SMYD3: variants seen among roughly 807,000 people sequenced by gnomAD.
The protein encoded by SMYD3 is SET and MYND domain containing 3, also known as histone-lysine N-methyltransferase SMYD3.
A neutral mutation model predicts 57.7 loss-of-function variants in SMYD3; 36 were observed. The observed-to-expected ratio is 0.62, with a 90% CI of 0.48 to 0.82. SMYD3 has a LOEUF of 0.82. SMYD3 is among the 40% of genes least tolerant of loss of function. SMYD3 has a pLI of 0.00. For synonymous variants in SMYD3, 211 were observed against 195.0 expected (o/e 1.08, Z -0.68); for missense variants, 515 against 538.8 (o/e 0.96, Z 0.44).
intron 5 of SMYD3, among the ~76,000 whole-genome samples, chr1:245,945,168 A>G (rs2057390807): frequency 6.6e-6 from 1 of 152,224 alleles, no homozygotes; most frequent in Non-Finnish European, 1.5e-5. Flanking sequence ...TCGCACAGCA[A>G]AAGAAACTGT....
chr1:246,386,795 C>A (rs1481960988), intron 1 of SMYD3, among the ~76,000 whole-genome samples: 2 of 151,930 alleles, frequency 1.3e-5, no homozygotes, highest in Non-Finnish European at 1.5e-5. Flanking sequence ...CCACTTATTA[C>A]ATAGTTTACC....
chr1:245,979,623 A>G (rs2058546950), intron 5 of SMYD3, among the ~76,000 whole-genome samples: 1 of 152,114 alleles, frequency 6.6e-6, no homozygotes, highest in South Asian at 2.1e-4. Context: ...CCTCAGAAGG[A>G]GCTCACCCTG....
At chr1:245,784,716 G>T (rs1207572633) in intron 10 of SMYD3, among the ~76,000 whole-genome samples, 3 of 152,116 alleles carry the variant, frequency 2.0e-5, no homozygotes, top group African/African-American at 4.8e-5. Context: ...AAGGACCAAG[G>T]CAGAAGCTGC....
chr1:246,393,125 A>G (rs931774550), intron 1 of SMYD3, among the ~76,000 whole-genome samples: 1 of 152,204 alleles, frequency 6.6e-6, no homozygotes, highest in Non-Finnish European at 1.5e-5. Context: ...TAATGAGTAC[A>G]AGTTTTATTT....
chr1:246,152,236 C>A (rs555280142), intron 5 of SMYD3, among the ~76,000 whole-genome samples: 2 of 152,090 alleles, frequency 1.3e-5, no homozygotes, highest in Admixed American at 1.3e-4. Flanking sequence ...GGACACCTGG[C>A]GTCTGGAGAG....
intron 10 of SMYD3, among the ~76,000 whole-genome samples, chr1:245,822,687 C>G (rs1468566933): frequency 6.6e-6 from 1 of 152,100 alleles, no homozygotes; most frequent in Admixed American, 6.5e-5. Flanking sequence ...AGGGTGAAGC[C>G]TCACTTACCA....
intron 5 of SMYD3, among the ~76,000 whole-genome samples, chr1:246,196,296 G>T (rs1323667053): frequency 1.3e-5 from 2 of 152,066 alleles, no homozygotes; most frequent in Non-Finnish European, 2.9e-5. Context: ...ACTGCTCCTT[G>T]TCTTTTTTCC....
At chr1:245,946,408 G>A (rs1194460761) in intron 5 of SMYD3, among the ~76,000 whole-genome samples, 1 of 152,118 alleles carries the variant, frequency 6.6e-6, no homozygotes, top group Non-Finnish European at 1.5e-5. Context: ...TCCCAAATAT[G>A]TTGTCCATGA....
intron 10 of SMYD3, among the ~76,000 whole-genome samples, chr1:245,816,382 C>T (rs2048802332): frequency 6.6e-6 from 1 of 151,940 alleles, no homozygotes; most frequent in East Asian, 1.9e-4. Context: ...TGGAGCTTGG[C>T]TCTAAAACAG....
intron 5 of SMYD3, among the ~76,000 whole-genome samples, chr1:246,061,289 A>G (rs560491710): frequency 6.6e-6 from 1 of 152,328 alleles, no homozygotes; most frequent in African/African-American, 2.4e-5. Context: ...GCAAAAAGAT[A>G]TATGAGTAAG....
chr1:246,233,980 A>C (rs1426367679), intron 5 of SMYD3, among the ~76,000 whole-genome samples: 9 of 139,820 alleles, frequency 6.4e-5, no homozygotes, highest in African/African-American at 1.6e-4. Context: ...GCACTCCTTC[A>C]ATTCACACTG....
In SMYD3 at chr1:246,203,548, T is replaced by A. The variant is rs1289567659; in HGVS notation, c.531+123653A>T. On this transcript the variant is annotated intron_variant, in intron 5 of 11. Transcript: ENST00000490107. This position sits in a 1 kb window ranked among gnomAD's most constrained non-coding sequence, Gnocchi z 4.6. ...GAGGAGCCACTGTCTTGCTGCCTCC[T>A]GACACGGCAGTCCCTCTGCGCACAT... Among the ~76,000 whole-genome samples, 2 of 152,230 alleles carry A rather than the reference T, an allele frequency of 1.3e-5. No homozygotes were observed. The highest frequency in any genetic ancestry group is 2.9e-5 in the Non-Finnish European group (2 of 68,030).
At chr1:245,781,979 T>A (rs952630968) in intron 10 of SMYD3, among the ~76,000 whole-genome samples, 9 of 148,274 alleles carry the variant, frequency 6.1e-5, no homozygotes, top group East Asian at 2.1e-4. Context: ...AAAAAAAAAA[T>A]ATTAACTAAT....
At chr1:246,410,387 C>T (rs10924724) in intron 1 of SMYD3, among the ~76,000 whole-genome samples, 88,516 of 151,458 alleles carry the variant, frequency 0.58, 25,878 homozygotes, top group South Asian at 0.68. Flanking sequence ...TGAAGTGTTG[C>T]TGAATTTTGT....
intron 10 of SMYD3, among the ~76,000 whole-genome samples, chr1:245,796,225 T>C (rs1032359165): frequency 1.3e-5 from 2 of 152,214 alleles, no homozygotes; most frequent in African/African-American, 4.8e-5. Context: ...TAAGGTATTA[T>C]GTCCAATAAT....
Position 245,915,687 on chromosome 1 carries a change from A to G in SMYD3, c.703-47T>C, listed in dbSNP as rs200385419. 13 of 1,222,426 alleles carry G rather than the reference A, an allele frequency of 1.1e-5. No individual in the cohort carries two copies. The East Asian group carries it at 3.1e-4, about 29-fold the overall frequency. 75.7% of individuals were successfully genotyped at this position (1,222,426 alleles called of 1,614,324 possible). A position where few individuals can be genotyped will look rare whatever the true frequency, so the allele number is the denominator to read the frequency against. On this transcript the variant is annotated intron_variant, in intron 7 of 11. Coordinates refer to ENST00000490107, the MANE Select transcript of SMYD3 (RefSeq NM_001167740.2). ...AAGCGCTGAAACATCTGCTGTGCTC[A>G]TTTCTTTAACAAATGGTTATTATTA...
chr1:245,925,090 C>T (rs973735905), intron 7 of SMYD3, among the ~76,000 whole-genome samples: 1 of 152,096 alleles, frequency 6.6e-6, no homozygotes, highest in African/African-American at 2.4e-5. Flanking sequence ...ACACTCAGAT[C>T]CCAAATAGCT....
intron 11 of SMYD3, among the ~76,000 whole-genome samples, chr1:245,757,760 CTCTAT>C (rs2045671982): frequency 6.6e-6 from 1 of 152,100 alleles, no homozygotes; most frequent in Non-Finnish European, 1.5e-5. Flanking sequence ...TTTCTGGGCT[CTCTAT>C]TCTATTCCAT....
At chr1:246,475,305 G>C (rs112497827) in intron 1 of SMYD3, among the ~76,000 whole-genome samples, 11,514 of 148,714 alleles carry the variant, frequency 0.077, 1,461 homozygotes, top group African/African-American at 0.26. Flanking sequence ...TCCAGCCTGG[G>C]CAACACAGCG....
Sources: allele counts gnomAD v4.1 joint callset (sites outside exome capture counted in the v4.1 genomes callset), GRCh38; gene constraint gnomAD v4.1.1; non-coding constraint Gnocchi (gnomAD v3.1); transcripts MANE v1.5; gene names NCBI Gene and HGNC (gene_info 2026-07-23, HGNC 2026-07-21).